RGS7: variants seen among roughly 807,000 people sequenced by gnomAD.
RGS7 encodes regulator of G protein signaling 7.
In RGS7, 27 loss-of-function variants were observed where a neutral mutation model predicts 81.1. That is an observed-to-expected ratio of 0.33 (90% CI 0.25 to 0.46). RGS7 has a LOEUF of 0.46. RGS7 is among the 20% of genes least tolerant of loss of function. RGS7 has a pLI of 1.00. For synonymous variants in RGS7, 208 were observed against 207.7 expected (o/e 1.00, Z -0.01); for missense variants, 396 against 607.4 (o/e 0.65, Z 3.66).
At chr1:241,202,047 C>CACAG (rs780522041) in intron 2 of RGS7, among the ~76,000 whole-genome samples, 3 of 150,392 alleles carry the variant, frequency 2.0e-5, no homozygotes, top group South Asian at 2.1e-4. Flanking sequence ...CACACACACA[C>CACAG]AGAGACACCC....
chr1:241,303,645 A>G (rs72760582), intron 2 of RGS7, among the ~76,000 whole-genome samples: 144 of 152,180 alleles, frequency 9.5e-4, no homozygotes, highest in Middle Eastern at 3.4e-3. Flanking sequence ...TAAAATCTAT[A>G]CTCTGTGACT....
chr1:241,276,157 C>T (rs1019614024), intron 2 of RGS7, among the ~76,000 whole-genome samples: 3 of 152,144 alleles, frequency 2.0e-5, no homozygotes, highest in Non-Finnish European at 4.4e-5. Context: ...TTACAGTGAG[C>T]TTTGTCCTAA....
chr1:240,854,638 C>T (rs955442480), intron 9 of RGS7, among the ~76,000 whole-genome samples: 2 of 152,204 alleles, frequency 1.3e-5, no homozygotes, highest in African/African-American at 2.4e-5. Flanking sequence ...AAACAGTTTT[C>T]ATTCAGACAA....
chr1:241,004,573 G>A (rs1364187315), intron 3 of RGS7, among the ~76,000 whole-genome samples: 1 of 152,162 alleles, frequency 6.6e-6, no homozygotes, highest in Non-Finnish European at 1.5e-5. Context: ...AAGCCTTCTG[G>A]ATGAAGACCC....
intron 2 of RGS7, among the ~76,000 whole-genome samples, chr1:241,227,965 C>T (rs1279563827): frequency 6.6e-6 from 1 of 152,160 alleles, no homozygotes; most frequent in African/African-American, 2.4e-5. Flanking sequence ...TCTAACTTGC[C>T]TCCCTCTTCA....
Position 241,272,022 on chromosome 1 carries a change from C to A in RGS7, c.78+83677G>T, listed in dbSNP as rs529850900. Among the ~76,000 whole-genome samples, 7 of 147,820 alleles carry A rather than the reference C, an allele frequency of 4.7e-5. No individual in the cohort carries two copies. In the East Asian group the frequency reaches 1.4e-3, roughly 29 times the overall value. ...TTATTTTTATTTTTTGAGATGGAGT[C>A]TCACTCTGTCGCACAGGCTGGAGTG... On this transcript the variant is annotated intron_variant, in intron 2 of 18. Coordinates refer to ENST00000440928, the MANE Select transcript of RGS7 (RefSeq NM_001364886.1).
At chr1:240,906,374 C>A (rs935900829) in intron 6 of RGS7, among the ~76,000 whole-genome samples, 1 of 152,248 alleles carries the variant, frequency 6.6e-6, no homozygotes, top group East Asian at 1.9e-4. Flanking sequence ...CATTCCCAGA[C>A]GTCCCTCTTG....
chr1:241,010,544 C>T (rs968562212), intron 3 of RGS7, among the ~76,000 whole-genome samples: 2 of 152,184 alleles, frequency 1.3e-5, no homozygotes, highest in Admixed American at 1.3e-4. Context: ...TTGTAACATG[C>T]CAAGAATGAA....
chr1:240,948,384 A>G (rs1678999683), intron 4 of RGS7, among the ~76,000 whole-genome samples: 1 of 152,168 alleles, frequency 6.6e-6, no homozygotes, highest in Non-Finnish European at 1.5e-5. Flanking sequence ...TCATAGCACA[A>G]ATTCTTAGAA....
At chr1:240,950,865 C>G (rs912714389) in intron 4 of RGS7, among the ~76,000 whole-genome samples, 4 of 152,110 alleles carry the variant, frequency 2.6e-5, no homozygotes, top group Non-Finnish European at 5.9e-5. Context: ...AATTAGCACA[C>G]TAAAGGCCTG....
chr1:240,998,838 C>T, intron 3 of RGS7: 1 of 555,012 alleles, frequency 1.8e-6, no homozygotes, highest in Non-Finnish European at 3.4e-6. Context: ...CGCGGATGGA[C>T]CGAGCACCTT....
chr1:241,111,474 T>C (rs1324463147), intron 2 of RGS7, among the ~76,000 whole-genome samples: 1 of 152,124 alleles, frequency 6.6e-6, no homozygotes, highest in Non-Finnish European at 1.5e-5. Context: ...CCCCGCTTGA[T>C]ATTTGTGAGG....
At chr1:241,259,085 C>G (rs76319592) in intron 2 of RGS7, among the ~76,000 whole-genome samples, 41,879 of 151,952 alleles carry the variant, frequency 0.28, 5,831 homozygotes, top group South Asian at 0.39. Flanking sequence ...TCTTCGCTCA[C>G]TCCCCATACT....
chr1:241,064,868 C>T (rs2061970172), intron 3 of RGS7, among the ~76,000 whole-genome samples: 1 of 152,040 alleles, frequency 6.6e-6, no homozygotes, highest in South Asian at 2.1e-4. Context: ...ACATTCTCTC[C>T]AATAGAAACA....
At chr1:241,090,833 G>C in intron 3 of RGS7, among the ~76,000 whole-genome samples, 1 of 152,176 alleles carries the variant, frequency 6.6e-6, no homozygotes, top group East Asian at 1.9e-4. Context: ...AGGTGTTTTT[G>C]ATGAGTACTC....
chr1:240,835,971 G>A, intron 9 of RGS7, among the ~76,000 whole-genome samples: 1 of 152,170 alleles, frequency 6.6e-6, no homozygotes, highest in East Asian at 1.9e-4. Context: ...AGAAATTTTA[G>A]GGTAGTGAAA....
At chr1:241,147,040 C>G (rs1157801643) in intron 2 of RGS7, among the ~76,000 whole-genome samples, 1 of 152,116 alleles carries the variant, frequency 6.6e-6, no homozygotes, top group Non-Finnish European at 1.5e-5. Flanking sequence ...TTTTGCCTTA[C>G]TGATAGCTAA....
chr1:241,080,328 G>T (rs1320596237), intron 3 of RGS7, among the ~76,000 whole-genome samples: 1 of 151,518 alleles, frequency 6.6e-6, no homozygotes, highest in Admixed American at 6.6e-5. Flanking sequence ...AGGCTATAAG[G>T]TACCTTGAGA....
chr1:241,282,693 T>G (rs1407993810), intron 2 of RGS7, among the ~76,000 whole-genome samples: 2 of 152,320 alleles, frequency 1.3e-5, no homozygotes, highest in African/African-American at 4.8e-5. Context: ...TAATGCTAGC[T>G]GTAGGGTTTC....
Sources: allele counts gnomAD v4.1 joint callset (sites outside exome capture counted in the v4.1 genomes callset), GRCh38; gene constraint gnomAD v4.1.1; transcripts MANE v1.5; gene names NCBI Gene and HGNC (gene_info 2026-07-23, HGNC 2026-07-21).